The following KCNH4 variants were observed in gnomAD, a reference collection of about 807,000 sequenced individuals.
The protein encoded by KCNH4 is potassium voltage-gated channel subfamily H member 4.
KCNH4 carries 33 observed loss-of-function variants against 90.7 expected under a neutral mutation model. The ratio of observed to expected loss-of-function variants is 0.36; its 90% CI spans 0.28 to 0.49. The LOEUF (loss-of-function observed/expected upper bound fraction) is 0.49, where lower values mean the gene tolerates loss of function less well. Among genes scored for constraint, KCNH4 ranks in the 20% least tolerant of loss-of-function variants. KCNH4 has a pLI of 0.98. For synonymous variants in KCNH4, 551 were observed against 581.7 expected (o/e 0.95, Z 0.76); for missense variants, 1,044 against 1,387.1 (o/e 0.75, Z 3.93).
intron 9 of KCNH4, 71 bp downstream of exon 9, chr17:42,169,406 G>A: frequency 7.1e-7 from 1 of 1,413,084 alleles, no homozygotes; most frequent in Non-Finnish European, 9.9e-7. Flanking sequence ...TACAGGGGCA[G>A]CGACTCCTTC....
In KCNH4 at chr17:42,170,120, C is replaced by A. The variant is rs146054199; in HGVS notation, c.1377G>T (p.Thr459=). ...GTCTGGCCTCACCGCCTATGAGCAT[C>A]GTGCAGATGGAGAAGATCTTCTCCG... The part of the protein sequence containing the change: ...TDAEKIFSIC[T]MLIGALMHAV... The change falls in exon 8 of 17, where the codon ACG becomes ACT. Residue 459 remains threonine (T), a synonymous_variant. Transcript: ENST00000264661. 3.1e-6 allele frequency: 5 copies of A among 1,608,660 alleles called. No homozygotes were observed. Among genetic ancestry groups the A allele is most frequent in the Non-Finnish European group, 4.2e-6 (5 of 1,177,322 alleles).
intron 1 of KCNH4, among the ~76,000 whole-genome samples, chr17:42,180,000 G>C (rs2079890004): frequency 6.6e-6 from 1 of 152,236 alleles, no homozygotes; most frequent in Non-Finnish European, 1.5e-5. Flanking sequence ...GAGGCTGATG[G>C]GGACACTGAA....
rs2079891721 is a variant in KCNH4, at chr17:42,180,217, C to CG, written c.76+652dup. Reference sequence around the variant, plus strand: ...ATGGCGGGGTTGGGGGAGGTGAGGGCGGGGAATCTCTGGGTTCCAGAGTGG... The same window carrying CG: ...ATGGCGGGGTTGGGGGAGGTGAGGGCGGGGGAATCTCTGGGTTCCAGAGTGG... On this transcript the variant is annotated intron_variant, in intron 1 of 16. Coordinates refer to ENST00000264661, the MANE Select transcript of KCNH4 (RefSeq NM_012285.3). The surrounding 1 kb of genome is among the most constrained non-coding windows in gnomAD (Gnocchi z 4.7). Among the ~76,000 whole-genome samples, 1 of 151,972 alleles carries CG rather than the reference C, an allele frequency of 6.6e-6. No individual in the cohort carries two copies. Among genetic ancestry groups the CG allele is most frequent in the African/African-American group, 2.4e-5 (1 of 41,388 alleles).
Position 42,163,065 on chromosome 17 carries a change from G to A in KCNH4, c.2584+163C>T, listed in dbSNP as rs1316628019. On this transcript the variant is annotated intron_variant, in intron 14 of 16. Transcript: ENST00000264661. The surrounding 1 kb of genome is among the most constrained non-coding windows in gnomAD (Gnocchi z 5.4). ...GAATTGTTTATCTGTGTACAGAGGTGTCTCCCTGCTAGACTTACTCCAAGA... is the reference window on the plus strand; with the variant it reads ...GAATTGTTTATCTGTGTACAGAGGTATCTCCCTGCTAGACTTACTCCAAGA... Among the ~76,000 whole-genome samples, 1 of 152,232 alleles carries A rather than the reference G, an allele frequency of 6.6e-6. No individual in the cohort carries two copies. The highest frequency in any genetic ancestry group is 1.5e-5 in the Non-Finnish European group (1 of 68,046).
At chr17:42,175,424 C>T (rs2079854095) in intron 6 of KCNH4, among the ~76,000 whole-genome samples, 155 bp downstream of exon 6, 1 of 152,244 alleles carries the variant, frequency 6.6e-6, no homozygotes, top group Admixed American at 6.5e-5. Flanking sequence ...CTCCCAGTAC[C>T]TAGCACAGGG....
intron 9 of KCNH4, among the ~76,000 whole-genome samples, chr17:42,167,608 A>T (rs971160983): frequency 5.3e-5 from 8 of 151,384 alleles, no homozygotes; most frequent in African/African-American, 1.7e-4. Context: ...CTCTCTCTGG[A>T]CCTCCCCCAG....
chr17:42,176,681 CCTGA>C (rs1389749299), intron 4 of KCNH4, among the ~76,000 whole-genome samples: 1 of 151,482 alleles, frequency 6.6e-6, no homozygotes, highest in Admixed American at 6.6e-5. Flanking sequence ...TGCCACCACA[CCTGA>C]CTAATTTTTG....
intron 6 of KCNH4, among the ~76,000 whole-genome samples, chr17:42,173,612 TC>T (rs2079842014): frequency 6.7e-6 from 1 of 148,362 alleles, no homozygotes; most frequent in Non-Finnish European, 1.5e-5. Context: ...CACCAGACCA[TC>T]CACTCAGGGG....
chr17:42,178,317 G>C lies in KCNH4; in HGVS notation c.457+14C>G, dbSNP rs779957776. The stretch of plus-strand genomic sequence containing the variant: ...TTCTGACCATTCACACTGCCCGTCC[G>C]GACTTGCTGTTACCGTGATTACTGT... On this transcript the variant is annotated intron_variant, in intron 3 of 16. Transcript: ENST00000264661. 7 of 1,614,194 alleles carry C rather than the reference G, an allele frequency of 4.3e-6. No homozygotes were observed. The East Asian group carries it at 6.7e-5, about 15-fold the overall frequency.
At position 42,165,623 on chromosome 17, in the gene KCNH4, G is replaced by C; in HGVS notation, c.1911C>G (p.Asn637Lys). Residue 637 changes from asparagine (N) to lysine (K), a missense_variant, in exon 11 of 17, where the codon AAC (asparagine) becomes AAG (lysine). This residue lies in a region of KCNH4 where 441 missense variants were observed against 512.3 expected (regional missense o/e 0.86). Coordinates refer to ENST00000264661, the MANE Select transcript of KCNH4 (RefSeq NM_012285.3). ...GQEPGLGADPNFVLKTSADVK... is the reference protein window; with the variant it reads ...GQEPGLGADPKFVLKTSADVK... ...CATCAGCACTGGTCTTTAGCACGAA[G>C]TTTGGGTCTGCTCCCAACCCAGGCT... is the stretch of plus-strand genomic sequence containing the variant. The C allele has an allele frequency of 6.2e-7, 1 of 1,614,230 alleles. No homozygotes were observed. The highest frequency in any genetic ancestry group is 8.5e-7 in the Non-Finnish European group (1 of 1,180,048).
Position 42,171,883 on chromosome 17 carries a change from G to A in KCNH4, c.1100C>T (p.Ser367Leu), listed in dbSNP as rs1426540052. 6.2e-6 allele frequency: 10 copies of A among 1,613,998 alleles called. No individual in the cohort carries two copies. Among genetic ancestry groups the A allele is most frequent in the South Asian group, 1.1e-5 (1 of 91,084 alleles). The change falls in exon 7 of 17, where the codon TCG becomes TTG. Residue 367 changes from serine (S) to leucine (L), a missense_variant. Transcript: ENST00000264661. ...CCAGTGGGCAAGGAGCGCAAAGACC[G>A]ACATGAGCAGCGTGAGCACCACAGC... ...CSAVVLTLLM[S>L]VFALLAHWMA... is the part of the protein sequence containing the mutation.
At chr17:42,176,740 C>T (rs909152270) in intron 4 of KCNH4, among the ~76,000 whole-genome samples, 4 of 151,934 alleles carry the variant, frequency 2.6e-5, no homozygotes, top group African/African-American at 9.7e-5. Context: ...CCAGGCTGGT[C>T]TTGAACTCCT....
At chr17:42,166,684 C>T in intron 9 of KCNH4, 138 bp from the exon 10 acceptor site, 1 of 1,089,698 alleles carries the variant, frequency 9.2e-7, no homozygotes, top group South Asian at 1.6e-5. Context: ...TTCAGTACAA[C>T]CTCTGTGTCT....
chr17:42,172,812 GTC>G (rs2079836839), intron 6 of KCNH4, among the ~76,000 whole-genome samples: 1 of 151,962 alleles, frequency 6.6e-6, no homozygotes, highest in Non-Finnish European at 1.5e-5. Context: ...ATAGGCAACA[GTC>G]TCTGCAGAGC....
intron 15 of KCNH4, among the ~76,000 whole-genome samples, chr17:42,160,858 C>G (rs987568340): frequency 5.9e-5 from 9 of 151,974 alleles, no homozygotes; most frequent in Non-Finnish European, 1.2e-4. Flanking sequence ...CAGACATTCC[C>G]AATCCTAAGA....
chr17:42,174,489 T>A lies in KCNH4; in HGVS notation c.987+1090A>T, dbSNP rs80199929. Among the ~76,000 whole-genome samples, 314 of 152,250 alleles carry A rather than the reference T, an allele frequency of 2.1e-3. 1 individual carries two copies. Among genetic ancestry groups the A allele is most frequent in the Middle Eastern group, 0.014 (4 of 294 alleles). ...AGATCTGCTCAGAATGGTCAGAGCC[T>A]CGAGGCAGACGTACACACATGCACG... On this transcript the variant is annotated intron_variant, in intron 6 of 16. Transcript: ENST00000264661.
chr17:42,164,041 C>A, intron 12 of KCNH4, 83 bp from the exon 13 acceptor site: 1 of 1,501,652 alleles, frequency 6.7e-7, no homozygotes, highest in Non-Finnish European at 9.0e-7. Context: ...CCGGCGGATG[C>A]AGCTCCCCAT....
rs974532948 is a variant in KCNH4 at position 42,172,079 on chromosome 17, A to T, written c.988-84T>A. The T allele has an allele frequency of 1.0e-5, 12 of 1,185,224 alleles. No individual in the cohort carries two copies. In the African/African-American group the frequency reaches 1.4e-4, roughly 14 times the overall value. 73.4% of individuals were successfully genotyped at this position (1,185,224 alleles called of 1,614,324 possible). On this transcript the variant is annotated intron_variant, in intron 6 of 16. Transcript: ENST00000264661. ...TCCCCTCCCAGGGCCTTCCCACCAG[A>T]CAACCTGGAGCCAGGGCAGGCTGCA...
rs2079873362 is a variant in KCNH4, at chr17:42,177,912, G to A, written c.585+188C>T. Among the ~76,000 whole-genome samples, 2 of 152,240 alleles carry A rather than the reference G, an allele frequency of 1.3e-5. 1 individual carries two copies. The highest frequency in any genetic ancestry group is 4.1e-4 in the South Asian group (2 of 4,832). ...TAAGGGAATGAGGGAGATAGGGATAGAAGGATGTTGGGGGAGGATATAGGA... is the reference window on the plus strand; with the variant it reads ...TAAGGGAATGAGGGAGATAGGGATAAAAGGATGTTGGGGGAGGATATAGGA... On this transcript the variant is annotated intron_variant, in intron 4 of 16. Coordinates refer to ENST00000264661, the MANE Select transcript of KCNH4 (RefSeq NM_012285.3).
Sources: allele counts gnomAD v4.1 joint callset (sites outside exome capture counted in the v4.1 genomes callset), GRCh38; gene constraint gnomAD v4.1.1; regional missense constraint gnomAD v4.1.1; non-coding constraint Gnocchi (gnomAD v3.1); transcripts MANE v1.5; gene names NCBI Gene and HGNC (gene_info 2026-07-23, HGNC 2026-07-21).